Variants in SPAG16 observed in about 807,000 individuals in gnomAD.
SPAG16 encodes the protein sperm-associated antigen 16 protein.
Under a neutral mutation model 80.4 loss-of-function variants are expected in SPAG16, and 86 were observed. The observed-to-expected ratio is 1.07, with a 90% CI of 0.90 to 1.28. The LOEUF (loss-of-function observed/expected upper bound fraction) is 1.28, where lower values mean the gene tolerates loss of function less well. Among genes scored for constraint, SPAG16 ranks in the 50% most tolerant of loss-of-function variants. SPAG16 has a pLI of 0.00. For missense variants in SPAG16, 870 were observed against 765.3 expected, an observed-to-expected ratio of 1.14 and a Z score of -1.61; for synonymous variants, 294 against 265.9, an observed-to-expected ratio of 1.11 and a Z score of -1.03.
Position 213,932,197 on chromosome 2 carries a change from TA to T in SPAG16, c.1400+2053del, listed in dbSNP as rs1181108025. Among the ~76,000 whole-genome samples the T allele has an allele frequency of 1.4e-3, 184 of 127,320 alleles. 7 individuals are homozygous for T. Among genetic ancestry groups the T allele is most frequent in the African/African-American group, 5.3e-3 (167 of 31,678 alleles). The allele number at this position is 127,320 out of a possible 152,430, so 83.5% of individuals were successfully genotyped here. On this transcript the variant is annotated intron_variant, in intron 12 of 15. Coordinates refer to ENST00000331683, the MANE Select transcript of SPAG16 (RefSeq NM_024532.5). ...ATATATATATATATATATATATATA[TA>T]TTTGTTGTTGTTGTTGTTGTTGTTG...
intron 10 of SPAG16, among the ~76,000 whole-genome samples, chr2:213,689,387 A>T (rs901329808): frequency 1.3e-5 from 2 of 152,188 alleles, no homozygotes; most frequent in African/African-American, 4.8e-5. Context: ...ATGCCAAACA[A>T]TGTGAGTTTT....
chr2:213,671,380 AAGG>A (rs2063806540), intron 10 of SPAG16, among the ~76,000 whole-genome samples: 1 of 152,122 alleles, frequency 6.6e-6, no homozygotes, highest in African/African-American at 2.4e-5. Flanking sequence ...ATTTGATTGA[AAGG>A]AGTCAAGATT....
intron 1 of SPAG16, among the ~76,000 whole-genome samples, chr2:213,294,614 T>C (rs2062426735): frequency 6.6e-6 from 1 of 152,224 alleles, no homozygotes; most frequent in Non-Finnish European, 1.5e-5. Flanking sequence ...AATAAAATAC[T>C]GACCTTTTGA....
intron 9 of SPAG16, among the ~76,000 whole-genome samples, chr2:213,448,048 G>A (rs1423841278): frequency 6.6e-6 from 1 of 152,196 alleles, no homozygotes; most frequent in African/African-American, 2.4e-5. Flanking sequence ...CTGTTCAAAT[G>A]GCTTATTTTG....
At chr2:213,802,249 C>G (rs1355244073) in intron 10 of SPAG16, among the ~76,000 whole-genome samples, 2 of 152,118 alleles carry the variant, frequency 1.3e-5, no homozygotes, top group Non-Finnish European at 2.9e-5. Context: ...AAGATAGGGA[C>G]TGGGGTGAAG....
intron 9 of SPAG16, among the ~76,000 whole-genome samples, chr2:213,430,179 G>A (rs1331884900): frequency 6.6e-6 from 1 of 152,168 alleles, no homozygotes; most frequent in African/African-American, 2.4e-5. Context: ...GAAATGAAAA[G>A]TTCATTGAAA....
intron 6 of SPAG16, among the ~76,000 whole-genome samples, chr2:213,341,030 T>G (rs4673739): frequency 0.39 from 59,318 of 152,014 alleles, 12,291 homozygotes; most frequent in East Asian, 0.67. Flanking sequence ...AAGAATACTT[T>G]TCACATAAAA....
At chr2:213,620,715 A>G (rs752314169) in intron 10 of SPAG16, among the ~76,000 whole-genome samples, 35 of 152,208 alleles carry the variant, frequency 2.3e-4, no homozygotes, top group Admixed American at 7.2e-4. Context: ...CATTGTATAT[A>G]TATACTGAAA....
At chr2:213,796,785 G>C (rs2071062715) in intron 10 of SPAG16, among the ~76,000 whole-genome samples, 1 of 151,978 alleles carries the variant, frequency 6.6e-6, no homozygotes, top group Non-Finnish European at 1.5e-5. Flanking sequence ...TATATTTACT[G>C]TATTATTTAT....
At chr2:214,297,140 G>A (rs1694190850) in intron 15 of SPAG16, among the ~76,000 whole-genome samples, 1 of 152,048 alleles carries the variant, frequency 6.6e-6, no homozygotes, top group South Asian at 2.1e-4. Flanking sequence ...ACTAACACAT[G>A]TACTTTTTAA....
intron 5 of SPAG16, among the ~76,000 whole-genome samples, chr2:213,329,782 AC>A (rs1348548551): frequency 6.6e-6 from 1 of 152,090 alleles, no homozygotes; most frequent in African/African-American, 2.4e-5. Flanking sequence ...CTTTGCGACA[AC>A]CCCTGCCATC....
intron 5 of SPAG16, among the ~76,000 whole-genome samples, chr2:213,326,629 T>C (rs1045864415): frequency 2.0e-5 from 3 of 152,016 alleles, no homozygotes; most frequent in African/African-American, 4.8e-5. Context: ...CAATTGAAGA[T>C]AATGGAATAT....
intron 15 of SPAG16, among the ~76,000 whole-genome samples, chr2:214,407,813 A>G (rs578130125): frequency 7.1e-6 from 1 of 140,078 alleles, no homozygotes; most frequent in South Asian, 2.1e-4. Flanking sequence ...CTAACTTAGA[A>G]AGAGGTTAGC....
intron 9 of SPAG16, among the ~76,000 whole-genome samples, chr2:213,398,688 C>T (rs946436817): frequency 1.3e-5 from 2 of 152,166 alleles, no homozygotes; most frequent in Admixed American, 1.3e-4. Context: ...AATTCACTGG[C>T]ACTTCTTTGG....
intron 1 of SPAG16, among the ~76,000 whole-genome samples, chr2:213,287,684 A>G (rs1032806179): frequency 6.6e-6 from 1 of 152,148 alleles, no homozygotes; most frequent in African/African-American, 2.4e-5. Flanking sequence ...CCCAGCAGCA[A>G]TTTCTGAGAG....
At chr2:213,664,141 T>G (rs2063519211) in intron 10 of SPAG16, among the ~76,000 whole-genome samples, 1 of 152,084 alleles carries the variant, frequency 6.6e-6, no homozygotes, top group Non-Finnish European at 1.5e-5. Flanking sequence ...CTTTTCTCCC[T>G]CTGTTTCCAC....
chr2:213,677,244 C>T (rs1427693227), intron 10 of SPAG16, among the ~76,000 whole-genome samples: 1 of 151,638 alleles, frequency 6.6e-6, no homozygotes, highest in Non-Finnish European at 1.5e-5. Flanking sequence ...ATCATAATGA[C>T]AGGTTCAAAT....
At chr2:214,122,158 T>C (rs535065873) in intron 14 of SPAG16, among the ~76,000 whole-genome samples, 1 of 151,904 alleles carries the variant, frequency 6.6e-6, no homozygotes, top group East Asian at 1.9e-4. Context: ...TTGCCATACA[T>C]ATTTTGCACT....
At chr2:214,060,835 C>G (rs1021396792) in intron 13 of SPAG16, among the ~76,000 whole-genome samples, 1 of 152,056 alleles carries the variant, frequency 6.6e-6, no homozygotes, top group Non-Finnish European at 1.5e-5. Context: ...CAGAAAATTC[C>G]TTCCCAAAAT....
Sources: gnomAD v4.1 joint callset for allele counts (sites outside exome capture counted in the v4.1 genomes callset) on GRCh38, gnomAD v4.1.1 for gene constraint, MANE v1.5 for transcripts, NCBI Gene and HGNC (gene_info 2026-07-23, HGNC 2026-07-21) for gene names.